Variants in EEF1AKMT1 observed in about 807,000 individuals in gnomAD.
EEF1AKMT1 encodes EEF1A lysine methyltransferase 1.
Under a neutral mutation model 21.0 loss-of-function variants are expected in EEF1AKMT1, and 18 were observed. That is an observed-to-expected ratio of 0.86 (90% CI 0.59 to 1.27). EEF1AKMT1 has a LOEUF of 1.27. Among genes scored for constraint, EEF1AKMT1 ranks in the 50% most tolerant of loss-of-function variants. The pLI is 0.00. For missense variants in EEF1AKMT1, 246 were observed against 258.6 expected (o/e 0.95, Z 0.33); for synonymous variants, 109 against 94.8 (o/e 1.15, Z -0.87).
chr13:20,739,073 C>T (rs559252147), intron 2 of EEF1AKMT1, among the ~76,000 whole-genome samples: 1 of 152,242 alleles, frequency 6.6e-6, no homozygotes, highest in African/African-American at 2.4e-5. Context: ...GGGTCGTGGT[C>T]TCGCTGGCTT....
In EEF1AKMT1 at chr13:20,732,006, A is replaced by G; in HGVS notation, c.343T>C (p.Phe115Leu). The change falls in exon 4 of 5, where the codon TTT becomes CTT. Residue 115 changes from phenylalanine (F) to leucine (L), a missense_variant. Physicochemically the swap from Phe to Leu is conservative, Grantham distance 22. Coordinates refer to ENST00000382758, the MANE Select transcript of EEF1AKMT1 (RefSeq NM_001318939.2). ...GGATTATTGTAATCATAGAAAATAAACTCCTCTCCATACATGGCAAATCTT... is the reference window on the plus strand; with the variant it reads ...GGATTATTGTAATCATAGAAAATAAGCTCCTCTCCATACATGGCAAATCTT... ...DKRFAMYGEEFIFYDYNNPLD... is the reference protein window; with the variant it reads ...DKRFAMYGEELIFYDYNNPLD... 1 of 1,614,106 alleles carries G rather than the reference A, an allele frequency of 6.2e-7. No individual in the cohort carries two copies. Among genetic ancestry groups the G allele is most frequent in the Non-Finnish European group, 8.5e-7 (1 of 1,180,026 alleles).
In EEF1AKMT1 at chr13:20,738,236, A is replaced by G. The variant is rs2058837791; in HGVS notation, c.145-431T>C. 3.3e-5 allele frequency among the ~76,000 whole-genome samples: 5 copies of G among 152,374 alleles called. No individual in the cohort carries two copies. The South Asian group carries it at 1.0e-3, about 32-fold the overall frequency. ...TTCACTAACACCAGAGGATGCAATC[A>G]GCAAAATCCAGACTGTGCTCCTTGC... On this transcript the variant is annotated intron_variant, in intron 2 of 4. Coordinates refer to ENST00000382758, the MANE Select transcript of EEF1AKMT1 (RefSeq NM_001318939.2).
At chr13:20,772,065 T>G (rs930051657) in intron 1 of EEF1AKMT1, among the ~76,000 whole-genome samples, 11 of 152,174 alleles carry the variant, frequency 7.2e-5, no homozygotes, top group Admixed American at 6.5e-4. Context: ...TTTAAATCAC[T>G]ATTTTATCAT....
chr13:20,770,871 T>C (rs547151664), intron 1 of EEF1AKMT1, among the ~76,000 whole-genome samples: 1 of 152,248 alleles, frequency 6.6e-6, no homozygotes, highest in African/African-American at 2.4e-5. Context: ...ATATTTATCC[T>C]TGACATATAA....
chr13:20,740,058 G>A (rs955840020), intron 2 of EEF1AKMT1, among the ~76,000 whole-genome samples: 2 of 152,266 alleles, frequency 1.3e-5, no homozygotes, highest in African/African-American at 4.8e-5. Flanking sequence ...TGGGTTGTAG[G>A]TCCTGAGCCC....
Position 20,764,692 on chromosome 13 carries a change from G to T in EEF1AKMT1, c.-19-7075C>A, listed in dbSNP as rs570857556. ...CATGTAATTTAAATTGTTCTCGTTT[G>T]GTGCGTACATACTTAGAACTGTTGT... On this transcript the variant is annotated intron_variant, in intron 1 of 4. Coordinates refer to ENST00000382758, the MANE Select transcript of EEF1AKMT1 (RefSeq NM_001318939.2). 1.4e-4 allele frequency among the ~76,000 whole-genome samples: 21 copies of T among 151,988 alleles called. 1 individual carries two copies. In the East Asian group the frequency reaches 3.9e-3, roughly 28 times the overall value.
chr13:20,730,397 C>T (rs903676052), intron 4 of EEF1AKMT1, among the ~76,000 whole-genome samples: 3 of 152,204 alleles, frequency 2.0e-5, no homozygotes, highest in African/African-American at 4.8e-5. Context: ...AGGGGACAAG[C>T]GCGGCCCGGA....
intron 1 of EEF1AKMT1, among the ~76,000 whole-genome samples, chr13:20,764,833 T>A (rs1196429069): frequency 6.7e-6 from 1 of 149,044 alleles, no homozygotes; most frequent in Non-Finnish European, 1.5e-5. Flanking sequence ...CTCATGCTTT[T>A]AAAAAAAAGC....
At chr13:20,772,230 T>A (rs2141444578) in intron 1 of EEF1AKMT1, among the ~76,000 whole-genome samples, 1 of 152,074 alleles carries the variant, frequency 6.6e-6, no homozygotes, top group Admixed American at 6.5e-5. Flanking sequence ...CAAGTGGCAG[T>A]AAAAAAAATT....
chr13:20,766,292 C>A (rs1289844519), intron 1 of EEF1AKMT1, among the ~76,000 whole-genome samples: 1 of 87,410 alleles, frequency 1.1e-5, no homozygotes, highest in African/African-American at 4.3e-5. Flanking sequence ...CAGTGAGACT[C>A]CATCTCAAAA....
Position 20,732,097 on chromosome 13 carries a change from A to G in EEF1AKMT1, c.252T>C (p.Ser84=). The change falls in exon 4 of 5, where the codon AGT becomes AGC. Residue 84 remains serine, a synonymous_variant. Coordinates refer to ENST00000382758, the MANE Select transcript of EEF1AKMT1 (RefSeq NM_001318939.2). The part of the protein sequence containing the change: ...GGRIACVSAP[S]VYQKLRELCR... Reference sequence around the variant, plus strand: ...ACAGCTCTCTGAGTTTCTGGTAAACACTAGGGGCACTCACACATGCGATTC... The same window carrying G: ...ACAGCTCTCTGAGTTTCTGGTAAACGCTAGGGGCACTCACACATGCGATTC... 2 of 1,612,212 alleles carry G rather than the reference A, an allele frequency of 1.2e-6. No individual in the cohort carries two copies. The highest frequency in any genetic ancestry group is 1.1e-5 in the South Asian group (1 of 90,708).
intron 1 of EEF1AKMT1, chr13:20,769,068 A>T (rs2059050452): frequency 6.6e-6 from 1 of 152,040 alleles, no homozygotes; most frequent in African/African-American, 2.4e-5. Flanking sequence ...ATAAAGCAAA[A>T]ACAGACATTC....
rs185542840 is a variant in EEF1AKMT1, at chr13:20,744,437, C to T, written c.145-6632G>A. Among the ~76,000 whole-genome samples, 225 of 152,230 alleles carry T rather than the reference C, an allele frequency of 1.5e-3. 5 individuals are homozygous for T. The South Asian group carries it at 0.034, about 23-fold the overall frequency. On this transcript the variant is annotated intron_variant, in intron 2 of 4. Transcript: ENST00000382758. ...TTTGCATTTCTCTAATGACCAGTGA[C>T]GTTGAGCTTTTGTTCATATGTTTAT...
intron 3 of EEF1AKMT1, among the ~76,000 whole-genome samples, chr13:20,733,946 G>A (rs907351561): frequency 2.6e-5 from 4 of 152,184 alleles, no homozygotes; most frequent in Non-Finnish European, 5.9e-5. Flanking sequence ...TCAGCCCAAA[G>A]ACACTGCAAC....
intron 1 of EEF1AKMT1, among the ~76,000 whole-genome samples, chr13:20,760,053 T>C (rs1419741656): frequency 1.5e-5 from 2 of 134,716 alleles, no homozygotes; most frequent in African/African-American, 2.8e-5. Flanking sequence ...TGCAGTGAGC[T>C]GAGATTGCGC....
At chr13:20,747,663 C>T (rs1309192343) in intron 2 of EEF1AKMT1, 1 of 152,214 alleles carries the variant, frequency 6.6e-6, no homozygotes, top group Non-Finnish European at 1.5e-5. Flanking sequence ...CGGGGTTTCA[C>T]CATGTTGGCC....
chr13:20,762,024 TG>T (rs982819379), intron 1 of EEF1AKMT1, among the ~76,000 whole-genome samples: 1 of 152,132 alleles, frequency 6.6e-6, no homozygotes, highest in Admixed American at 6.5e-5. Context: ...CACTTGAGTC[TG>T]GAGGCATAGG....
Position 20,728,997 on chromosome 13 carries a change from G to T in EEF1AKMT1, c.*83C>A. The stretch of plus-strand genomic sequence containing the variant: ...GCTCCAGTTTGGGGGGAGGGGAAGA[G>T]ATTATAACTTTTAAATCTACTACGA... On this transcript the variant is annotated 3_prime_UTR_variant, in exon 5 of 5. Transcript: ENST00000382758. 3.2e-6 allele frequency: 5 copies of T among 1,561,000 alleles called. No individual in the cohort carries two copies. Among genetic ancestry groups the T allele is most frequent in the Non-Finnish European group, 4.4e-6 (5 of 1,136,232 alleles).
At chr13:20,772,627 G>A (rs1308508514) in intron 1 of EEF1AKMT1, among the ~76,000 whole-genome samples, 1 of 152,172 alleles carries the variant, frequency 6.6e-6, no homozygotes, top group Non-Finnish European at 1.5e-5. Context: ...AGAGTGGAGG[G>A]CCTGAGTGGG....
Sources: allele counts gnomAD v4.1 joint callset (sites outside exome capture counted in the v4.1 genomes callset), GRCh38; gene constraint gnomAD v4.1.1; transcripts MANE v1.5; gene names NCBI Gene and HGNC (gene_info 2026-07-23, HGNC 2026-07-21).